The following ATG4D variants were observed in gnomAD, a reference collection of about 807,000 sequenced individuals.
The protein encoded by ATG4D is cysteine protease ATG4D.
A neutral mutation model predicts 55.2 loss-of-function variants in ATG4D; 51 were observed. That is an observed-to-expected ratio of 0.92 (90% CI 0.74 to 1.17). The LOEUF (loss-of-function observed/expected upper bound fraction) is 1.17, where lower values mean the gene tolerates loss of function less well. ATG4D is among the 50% of genes most tolerant of loss of function. The probability of loss-of-function intolerance (pLI) is 0.00; values close to 1 mark genes in which losing one functional copy is unlikely to be tolerated. For missense variants in ATG4D, 635 were observed against 649.6 expected (o/e 0.98, Z 0.25); for synonymous variants, 268 against 266.2 (o/e 1.01, Z -0.07).
chr19:10,549,174 A>G lies in ATG4D; in HGVS notation c.966+140A>G, dbSNP rs1361074733. On this transcript the variant is annotated intron_variant, in intron 6 of 9. Coordinates refer to ENST00000309469, the MANE Select transcript of ATG4D (RefSeq NM_032885.6). ...GTTTCGCTCTTGTTGCCCAGGCTGG[A>G]GGTCAATAACGTGATCTCGGCTCGC... 9.1e-6 allele frequency: 11 copies of G among 1,214,790 alleles called. No homozygotes were observed. The African/African-American group carries it at 1.4e-4, about 15-fold the overall frequency. The allele number at this position is 1,214,790 out of a possible 1,614,324, so 75.3% of individuals were successfully genotyped here.
rs1303506729 is a variant in ATG4D at position 10,553,140 on chromosome 19, A to G, written c.*73A>G. 32 of 1,465,662 alleles carry G rather than the reference A, an allele frequency of 2.2e-5. No individual in the cohort carries two copies. Among genetic ancestry groups the G allele is most frequent in the Non-Finnish European group, 2.1e-5 (23 of 1,103,798 alleles). The allele number at this position is 1,465,662 out of a possible 1,614,324, so 90.8% of individuals were successfully genotyped here. ...ATGTCATGTCGGGTGTGGGATCTTGAGCTCTGGCAGTGATGATGGTACTTC... is the reference window on the plus strand; with the variant it reads ...ATGTCATGTCGGGTGTGGGATCTTGGGCTCTGGCAGTGATGATGGTACTTC... On this transcript the variant is annotated 3_prime_UTR_variant, in exon 10 of 10. Coordinates refer to ENST00000309469, the MANE Select transcript of ATG4D (RefSeq NM_032885.6).
At chr19:10,550,168 C>T (rs1044706312) in intron 6 of ATG4D, among the ~76,000 whole-genome samples, 5 of 151,988 alleles carry the variant, frequency 3.3e-5, no homozygotes, top group African/African-American at 7.3e-5. Context: ...CCACCACGCC[C>T]GGCTAATTTT....
rs577041430 is a variant in ATG4D at position 10,546,974 on chromosome 19, G to A, written c.629G>A (p.Arg210His). The change falls in exon 4 of 10, where the codon CGC becomes CAC. Residue 210 changes from arginine (R) to histidine (H), a missense_variant. By Grantham distance (29) the Arg-to-His change is conservative. Coordinates refer to ENST00000309469, the MANE Select transcript of ATG4D (RefSeq NM_032885.6). ...GGTGCCCCTGAGCTGGAGCAGGAAC[G>A]CCGGCACCGGCAGATTGTGTCCTGG... ...AQGAPELEQE[R>H]RHRQIVSWFA... is the part of the protein sequence containing the mutation. 2.0e-5 allele frequency: 32 copies of A among 1,605,232 alleles called. 1 individual carries two copies. The highest frequency in any genetic ancestry group is 1.9e-4 in the South Asian group (17 of 90,266).
intron 5 of ATG4D, among the ~76,000 whole-genome samples, chr19:10,547,765 C>T (rs1460322403): frequency 5.3e-4 from 80 of 149,954 alleles, no homozygotes; most frequent in South Asian, 1.5e-3. Context: ...GGCACGATCT[C>T]GGCTCACTGC....
In ATG4D at chr19:10,552,111, T is replaced by C; in HGVS notation, c.1112T>C (p.Phe371Ser). 1 of 1,611,224 alleles carries C rather than the reference T, an allele frequency of 6.2e-7. No homozygotes were observed. Among genetic ancestry groups the C allele is most frequent in the South Asian group, 1.1e-5 (1 of 91,062 alleles). Residue 371 changes from phenylalanine (F) to serine (S), a missense_variant, in exon 8 of 10, where the codon TTC becomes TCC. Phe to Ser is a radical substitution (Grantham distance 155). Coordinates refer to ENST00000309469, the MANE Select transcript of ATG4D (RefSeq NM_032885.6). ...QPTVDVSQAD[F>S]PLESFHCTSP... Reference sequence around the variant, plus strand: ...ACTGTGGATGTCAGCCAGGCCGACTTCCCCCTGGAGGTGAGTGGGAGCCCC... The same window carrying C: ...ACTGTGGATGTCAGCCAGGCCGACTCCCCCCTGGAGGTGAGTGGGAGCCCC...
rs753197819 is a variant in ATG4D, at chr19:10,547,158, C to T, written c.771-31C>T. 1.9e-6 allele frequency: 3 copies of T among 1,612,622 alleles called. No individual in the cohort carries two copies. In the Admixed American group the frequency reaches 5.0e-5, roughly 27 times the overall value. On this transcript the variant is annotated intron_variant, in intron 4 of 9. Coordinates refer to ENST00000309469, the MANE Select transcript of ATG4D (RefSeq NM_032885.6). The stretch of plus-strand genomic sequence containing the variant: ...GATCACGGGAGTTGCTGGGTACCCG[C>T]AGGCACTCAGGCCTTCCCTCCTGCC...
rs903984312 is a variant in ATG4D, at chr19:10,544,158, C to T, written c.68C>T (p.Pro23Leu). Residue 23 changes from proline to leucine, a missense_variant, in exon 1 of 10, where the codon CCC becomes CTC. Physicochemically the swap from Pro to Leu is moderately conservative, Grantham distance 98. Coordinates refer to ENST00000309469, the MANE Select transcript of ATG4D (RefSeq NM_032885.6). ...SSSPEDARRR[P>L]EARRPRGPRG... Reference sequence around the variant, plus strand: ...AGCCCGGAGGACGCGCGCCGCCGGCCCGAGGCCCGCAGGCCGCGGGGTCCC... The same window carrying T: ...AGCCCGGAGGACGCGCGCCGCCGGCTCGAGGCCCGCAGGCCGCGGGGTCCC... 18 of 1,244,710 alleles carry T rather than the reference C, an allele frequency of 1.4e-5. No individual in the cohort carries two copies. The Admixed American group carries it at 2.1e-4, about 15-fold the overall frequency. 77.1% of individuals were successfully genotyped at this position (1,244,710 alleles called of 1,614,324 possible).
Position 10,546,970 on chromosome 19 carries a change from G to T in ATG4D, c.625G>T (p.Glu209Ter). The T allele has an allele frequency of 6.2e-7, 1 of 1,608,068 alleles. No homozygotes were observed. The highest frequency in any genetic ancestry group is 1.1e-5 in the South Asian group (1 of 90,538). Residue 209 changes from glutamate (E) to a stop codon, truncating the protein, a stop_gained, in exon 4 of 10, where the codon GAA (glutamate) becomes TAA (stop). Transcript: ENST00000309469. LOFTEE classifies it high-confidence loss of function. ...WAQGAPELEQ[E>*]RRHRQIVSWF... ...CCAGGGTGCCCCTGAGCTGGAGCAG[G>T]AACGCCGGCACCGGCAGATTGTGTC... is the stretch of plus-strand genomic sequence containing the variant.
In ATG4D at chr19:10,547,444, T is replaced by A. The variant is rs1916074548; in HGVS notation, c.835+191T>A. 3.9e-5 allele frequency among the ~76,000 whole-genome samples: 6 copies of A among 151,930 alleles called. No individual in the cohort carries two copies. The South Asian group carries it at 1.2e-3, about 32-fold the overall frequency. On this transcript the variant is annotated intron_variant, in intron 5 of 9. Coordinates refer to ENST00000309469, the MANE Select transcript of ATG4D (RefSeq NM_032885.6). ...GTCTCTCCCTCTGGAACAAGAAACT[T>A]CAGGGGCTTCTCCTTGAGTGATAGA...
intron 3 of ATG4D, 132 bp downstream of exon 3, chr19:10,545,262 G>A (rs1349410601): frequency 8.0e-7 from 1 of 1,255,864 alleles, no homozygotes; most frequent in African/African-American, 1.5e-5. Context: ...TTGGAGAGAT[G>A]AGAGTTGTTT....
In ATG4D at chr19:10,544,034, G is replaced by C. The variant is rs966130641; in HGVS notation, c.-57G>C. On this transcript the variant is annotated 5_prime_UTR_variant, in exon 1 of 10. Transcript: ENST00000309469. ...GTGAACCGGCTGCGGGTCGCCCTTGGGGGGCAGCGGCCGCAGCCCCCCACC... is the reference window on the plus strand; with the variant it reads ...GTGAACCGGCTGCGGGTCGCCCTTGCGGGGCAGCGGCCGCAGCCCCCCACC... 3 of 1,175,944 alleles carry C rather than the reference G, an allele frequency of 2.6e-6. No individual in the cohort carries two copies. Among genetic ancestry groups the C allele is most frequent in the African/African-American group, 1.6e-5 (1 of 62,886 alleles). 72.8% of individuals were successfully genotyped at this position (1,175,944 alleles called of 1,614,324 possible).
intron 9 of ATG4D, 59 bp from the exon 10 acceptor site, chr19:10,552,826 G>T: frequency 6.5e-7 from 1 of 1,528,184 alleles, no homozygotes; most frequent in Non-Finnish European, 8.8e-7. Context: ...AATAAACCTG[G>T]GCTAAGGAAT....
At chr19:10,546,792 GC>G in intron 3 of ATG4D, 46 bp from the exon 4 acceptor site, 1 of 1,512,830 alleles carries the variant, frequency 6.6e-7, no homozygotes, top group Non-Finnish European at 8.9e-7. Flanking sequence ...TGGGACCTCT[GC>G]CCCCCACACA....
chr19:10,545,398 C>G, intron 3 of ATG4D, among the ~76,000 whole-genome samples: 1 of 150,848 alleles, frequency 6.6e-6, no homozygotes, highest in Non-Finnish European at 1.5e-5. Context: ...ATGATGAAAC[C>G]CCATCTCTAC....
intron 5 of ATG4D, among the ~76,000 whole-genome samples, chr19:10,548,556 C>A (rs1358048569): frequency 6.6e-6 from 1 of 152,110 alleles, no homozygotes; most frequent in African/African-American, 2.4e-5. Context: ...AGTGCTCCAG[C>A]TTCTGTATTG....
chr19:10,546,476 G>C (rs906886399), intron 3 of ATG4D, among the ~76,000 whole-genome samples: 1 of 151,260 alleles, frequency 6.6e-6, no homozygotes, highest in East Asian at 1.9e-4. Context: ...CTCCTGAGTA[G>C]CTGGGATTAC....
rs1916322697 is a variant in ATG4D at position 10,552,803 on chromosome 19, G to A, written c.1243-82G>A. ...CTCTCTCCTGGAGAGGTGGTCCTGA[G>A]AAGCACCTACTAAATAAACCTGGGC... On this transcript the variant is annotated intron_variant, in intron 9 of 9. Transcript: ENST00000309469. The A allele has an allele frequency of 3.5e-6, 5 of 1,430,190 alleles. No individual in the cohort carries two copies. The African/African-American group carries it at 4.2e-5, about 12-fold the overall frequency. The allele number at this position is 1,430,190 out of a possible 1,614,324, so 88.6% of individuals were successfully genotyped here.
intron 6 of ATG4D, among the ~76,000 whole-genome samples, chr19:10,550,082 A>G (rs1916174183): frequency 6.6e-6 from 1 of 151,802 alleles, no homozygotes; most frequent in African/African-American, 2.4e-5. Context: ...GTCTTGGCTC[A>G]CTGCAACCTC....
At position 10,553,247 on chromosome 19, in the gene ATG4D, G is replaced by A. The variant is rs1916363447; in HGVS notation, c.*180G>A. 6.4e-6 allele frequency: 5 copies of A among 782,774 alleles called. No homozygotes were observed. The highest frequency in any genetic ancestry group is 1.7e-5 in the African/African-American group (1 of 57,546). 48.5% of individuals were successfully genotyped at this position (782,774 alleles called of 1,614,324 possible). On this transcript the variant is annotated 3_prime_UTR_variant, in exon 10 of 10. Coordinates refer to ENST00000309469, the MANE Select transcript of ATG4D (RefSeq NM_032885.6). ...CAGAGCCCACAGAGCCCATACACCT[G>A]TCTCCCACCAGCGGGGCCCTCCTGG...
Sources: gnomAD v4.1 joint callset for allele counts (sites outside exome capture counted in the v4.1 genomes callset) on GRCh38, gnomAD v4.1.1 for gene constraint, MANE v1.5 for transcripts, NCBI Gene and HGNC (gene_info 2026-07-23, HGNC 2026-07-21) for gene names.